Variants in MYO3A observed in about 807,000 individuals in gnomAD.
MYO3A encodes myosin-IIIa.
Under a neutral mutation model 192.7 loss-of-function variants are expected in MYO3A, and 180 were observed. The ratio of observed to expected loss-of-function variants is 0.93; its 90% CI spans 0.83 to 1.06. The LOEUF (loss-of-function observed/expected upper bound fraction) is 1.06, where lower values mean the gene tolerates loss of function less well. MYO3A is among the 50% of genes least tolerant of loss of function. The pLI is 0.00. For missense variants in MYO3A, 1,896 were observed against 1,905.0 expected (o/e 1.00, Z 0.09); for synonymous variants, 628 against 645.3 (o/e 0.97, Z 0.41).
chr10:26,150,220 A>G (rs146587039), intron 23 of MYO3A, among the ~76,000 whole-genome samples: 2 of 152,266 alleles, frequency 1.3e-5, no homozygotes, highest in Non-Finnish European at 2.9e-5. Flanking sequence ...TACTTTTTAT[A>G]TATTGCTGAA....
chr10:26,007,582 C>A (rs914642423), intron 6 of MYO3A, among the ~76,000 whole-genome samples: 1 of 152,216 alleles, frequency 6.6e-6, no homozygotes, highest in South Asian at 2.1e-4. Context: ...TTCTTATACA[C>A]CAATCACAGA....
intron 4 of MYO3A, among the ~76,000 whole-genome samples, chr10:25,984,844 TTGAAC>T (rs1839549132): frequency 6.6e-6 from 1 of 152,138 alleles, no homozygotes; most frequent in Non-Finnish European, 1.5e-5. Flanking sequence ...AAAAAATTAT[TTGAAC>T]TGAACAATAA....
In MYO3A at chr10:26,021,532, C is replaced by T. The variant is rs55634590; in HGVS notation, c.615C>T (p.Thr205=). 10 of 1,614,062 alleles carry T rather than the reference C, an allele frequency of 6.2e-6. No homozygotes were observed. In the African/African-American group the frequency reaches 8.0e-5, roughly 13 times the overall value. Residue 205 remains threonine (T), a synonymous_variant, in exon 8 of 35, where the codon ACC becomes ACT. Transcript: ENST00000642920. ...EVIACEQQLD[T]TYDARCDTWS... is the part of the protein sequence containing the mutation. ...TTGCATGTGAACAGCAATTGGATACCACTTATGACGCCAGATGTGACACTT... is the reference window on the plus strand; with the variant it reads ...TTGCATGTGAACAGCAATTGGATACTACTTATGACGCCAGATGTGACACTT...
At chr10:26,059,302 T>C (rs1834319279) in intron 10 of MYO3A, among the ~76,000 whole-genome samples, 1 of 152,204 alleles carries the variant, frequency 6.6e-6, no homozygotes, top group Non-Finnish European at 1.5e-5. Context: ...CTCATCATTA[T>C]GTATTGTAAC....
intron 20 of MYO3A, among the ~76,000 whole-genome samples, chr10:26,130,759 C>CA (rs1428300177): frequency 3.9e-5 from 6 of 152,190 alleles, no homozygotes; most frequent in African/African-American, 1.2e-4. Context: ...CAGAATTAGT[C>CA]AATGACTCTC....
intron 26 of MYO3A, 42 bp from the exon 27 acceptor site, chr10:26,166,025 G>T: frequency 1.3e-6 from 2 of 1,507,632 alleles, no homozygotes; most frequent in Non-Finnish European, 9.2e-7. Context: ...AGAGATGTTG[G>T]CACTTTATGC....
intron 32 of MYO3A, 75 bp downstream of exon 32, chr10:26,193,386 T>C (rs1589111787): frequency 1.6e-6 from 2 of 1,229,932 alleles, no homozygotes; most frequent in Admixed American, 1.8e-5. Flanking sequence ...TGTGGCTAGA[T>C]TAGTTCAGGC....
chr10:26,037,526 T>C (rs930852748), intron 10 of MYO3A, among the ~76,000 whole-genome samples: 4 of 152,218 alleles, frequency 2.6e-5, no homozygotes, highest in African/African-American at 7.2e-5. Context: ...TGGTGAGAGA[T>C]AGGGATCTAG....
chr10:26,014,769 G>A (rs184302111), intron 6 of MYO3A, among the ~76,000 whole-genome samples: 5 of 152,176 alleles, frequency 3.3e-5, no homozygotes, highest in Non-Finnish European at 7.4e-5. Context: ...TATTTTTATA[G>A]TTTCAGTTCT....
intron 31 of MYO3A, among the ~76,000 whole-genome samples, chr10:26,180,543 G>T (rs1019867945): frequency 6.6e-6 from 1 of 152,002 alleles, no homozygotes; most frequent in African/African-American, 2.4e-5. Flanking sequence ...TTTTCAAAAA[G>T]CATAACTATC....
chr10:26,198,786 C>T (rs1391030297), intron 32 of MYO3A, among the ~76,000 whole-genome samples: 4 of 152,154 alleles, frequency 2.6e-5, no homozygotes, highest in African/African-American at 9.7e-5. Flanking sequence ...AACACCCAAG[C>T]CAGAAAATCT....
intron 32 of MYO3A, among the ~76,000 whole-genome samples, chr10:26,197,000 T>C (rs528750040): frequency 6.6e-6 from 1 of 152,346 alleles, no homozygotes; most frequent in Admixed American, 6.5e-5. Flanking sequence ...TGAACTTTTA[T>C]TGTAGCACTA....
At chr10:26,152,214 T>C (rs940055583) in intron 23 of MYO3A, among the ~76,000 whole-genome samples, 3 of 152,214 alleles carry the variant, frequency 2.0e-5, no homozygotes, top group Non-Finnish European at 4.4e-5. Flanking sequence ...CAAAGACATA[T>C]GGATTTTATA....
At chr10:26,182,074 C>G (rs1842639367) in intron 31 of MYO3A, among the ~76,000 whole-genome samples, 1 of 152,190 alleles carries the variant, frequency 6.6e-6, no homozygotes, top group Admixed American at 6.5e-5. Flanking sequence ...TTAATCTTCA[C>G]ATACGCGAGG....
At chr10:26,012,975 C>T (rs143360520) in intron 6 of MYO3A, among the ~76,000 whole-genome samples, 270 of 152,090 alleles carry the variant, frequency 1.8e-3, no homozygotes, top group Non-Finnish European at 3.3e-3. Context: ...AAGCCAAATA[C>T]GTACAGCCAA....
chr10:25,966,753 A>G (rs1217887446), intron 4 of MYO3A, among the ~76,000 whole-genome samples: 1 of 152,232 alleles, frequency 6.6e-6, no homozygotes, highest in Non-Finnish European at 1.5e-5. Context: ...GGAAAGTCCA[A>G]GAAACTCTAT....
rs747140698 is a variant in MYO3A at position 26,170,422 on chromosome 10, G to T, written c.3281G>T (p.Arg1094Ile). The change falls in exon 29 of 35, where the codon AGA (arginine) becomes ATA (isoleucine). Residue 1094 changes from arginine to isoleucine, a missense_variant. Transcript: ENST00000642920. Reference protein sequence around the residue: ...ESAIIIQSAARGHLVRKQRKE... With the variant: ...ESAIIIQSAAIGHLVRKQRKE... ...TGGGCTTTCTGTGTTTCAGCTGCAA[G>T]AGGACACCTTGTCAGGAAACAAAGA... The T allele has an allele frequency of 9.9e-6, 16 of 1,613,252 alleles. No individual in the cohort carries two copies. In the African/African-American group the frequency reaches 2.1e-4, roughly 22 times the overall value.
intron 8 of MYO3A, 142 bp from the exon 9 acceptor site, chr10:26,023,880 A>G: frequency 1.3e-6 from 1 of 773,516 alleles, no homozygotes; most frequent in Non-Finnish European, 2.3e-6. Flanking sequence ...GTAATGATTT[A>G]TCTGTCTTGG....
intron 4 of MYO3A, among the ~76,000 whole-genome samples, chr10:25,955,910 A>G (rs1356508045): frequency 6.6e-6 from 1 of 152,098 alleles, no homozygotes; most frequent in Non-Finnish European, 1.5e-5. Context: ...TATAACAAAA[A>G]TCCACACACT....
Sources: gnomAD v4.1 joint callset for allele counts (sites outside exome capture counted in the v4.1 genomes callset) on GRCh38, gnomAD v4.1.1 for gene constraint, MANE v1.5 for transcripts, NCBI Gene and HGNC (gene_info 2026-07-23, HGNC 2026-07-21) for gene names.